The following C12orf42 variants were observed in gnomAD, a reference collection of about 807,000 sequenced individuals.
C12orf42 encodes chromosome 12 open reading frame 42, also known as uncharacterized protein C12orf42.
A neutral mutation model predicts 21.6 loss-of-function variants in C12orf42; 25 were observed. The observed-to-expected ratio is 1.16, with a 90% CI of 0.84 to 1.62. C12orf42 has a LOEUF of 1.62. Ranked by LOEUF, C12orf42 falls within the 40% of genes most tolerant of loss-of-function variation. C12orf42 has a pLI of 0.00. For missense variants in C12orf42, 483 were observed against 459.3 expected (o/e 1.05, Z -0.47); for synonymous variants, 174 against 175.0 (o/e 0.99, Z 0.05).
chr12:103,101,003 A>C, the C12orf42 span, among the ~76,000 whole-genome samples: 8 of 152,052 alleles, frequency 5.3e-5, no homozygotes, highest in African/African-American at 2.4e-5. Context: ...TTGATTTAAA[A>C]CCAGGTTCGA....
the C12orf42 span, chr12:103,155,249 T>A: frequency 1.3e-5 from 2 of 152,176 alleles, no homozygotes; most frequent in African/African-American, 4.8e-5. Flanking sequence ...CAGCTCTGAG[T>A]GGGGAACCAC....
intron 3 of C12orf42, among the ~76,000 whole-genome samples, chr12:103,375,073 T>C (rs960252497): frequency 1.3e-5 from 2 of 152,224 alleles, no homozygotes; most frequent in Non-Finnish European, 2.9e-5. Context: ...AGTAATGAGC[T>C]GAAGTGACTC....
chr12:103,147,620 TCTC>T, the C12orf42 span, among the ~76,000 whole-genome samples: 1 of 104,944 alleles, frequency 9.5e-6, no homozygotes, highest in African/African-American at 4.4e-5. Context: ...TTCTTCTCTC[TCTC>T]TTTTTTTTTT....
chr12:103,088,855 G>A, the C12orf42 span, among the ~76,000 whole-genome samples: 10 of 152,152 alleles, frequency 6.6e-5, no homozygotes, highest in Non-Finnish European at 1.5e-4. Flanking sequence ...AGTAATCCCA[G>A]CACTTTGGGA....
At chr12:103,305,433 T>C (rs1426733559) in intron 5 of C12orf42, among the ~76,000 whole-genome samples, 1 of 152,188 alleles carries the variant, frequency 6.6e-6, no homozygotes, top group African/African-American at 2.4e-5. Context: ...ATGAAAAAAC[T>C]GGGCTGCAAA....
chr12:103,555,011 C>T, the C12orf42 span, among the ~76,000 whole-genome samples: 1 of 152,152 alleles, frequency 6.6e-6, no homozygotes, highest in Non-Finnish European at 1.5e-5. Context: ...AGCCCCCTGT[C>T]ATGGTAGGCT....
chr12:103,318,892 AGC>A (rs1200961761), intron 4 of C12orf42, among the ~76,000 whole-genome samples: 2 of 152,238 alleles, frequency 1.3e-5, no homozygotes, highest in Non-Finnish European at 1.5e-5. Context: ...ACTCTGGTGA[AGC>A]AGTATTTTGC....
At chr12:103,066,138 C>A in the C12orf42 span, among the ~76,000 whole-genome samples, 1 of 152,160 alleles carries the variant, frequency 6.6e-6, no homozygotes, top group African/African-American at 2.4e-5. Flanking sequence ...TGAGAGACAG[C>A]TCTTGGCCAA....
intron 2 of C12orf42, among the ~76,000 whole-genome samples, chr12:103,421,352 T>C (rs897491181): frequency 2.0e-5 from 3 of 152,074 alleles, no homozygotes; most frequent in African/African-American, 7.2e-5. Context: ...GGAGAATCCC[T>C]TGAGCCCAGG....
intron 2 of C12orf42, among the ~76,000 whole-genome samples, chr12:103,464,823 A>G (rs1318424748): frequency 6.6e-6 from 1 of 152,150 alleles, no homozygotes; most frequent in Admixed American, 6.5e-5. Flanking sequence ...TAAATAGGGA[A>G]TCCTTTCCCT....
rs375723058 is a variant in C12orf42, at chr12:103,302,564, A to C, written c.632-5T>G. On this transcript the variant is annotated splice_region_variant and splice_polypyrimidine_tract_variant and intron_variant, in intron 5 of 5. Transcript: ENST00000548883. ...TGGAAGGTCTGGCGGCAGAACCTGG[A>C]AGGCAAAGCAGGAAAGCAGGACAGA... 6.2e-6 allele frequency: 10 copies of C among 1,600,468 alleles called. No individual in the cohort carries two copies. The highest frequency in any genetic ancestry group is 3.4e-5 in the Admixed American group (2 of 59,288).
intron 1 of C12orf42, among the ~76,000 whole-genome samples, chr12:103,491,959 T>TTTTTTG (rs1555216419): frequency 6.6e-6 from 1 of 151,504 alleles, no homozygotes; most frequent in Non-Finnish European, 1.5e-5. Context: ...TTTGTTTTTT[T>TTTTTTG]TTTGTTTGTT....
At chr12:103,070,541 C>T in the C12orf42 span, among the ~76,000 whole-genome samples, 5 of 103,932 alleles carry the variant, frequency 4.8e-5, no homozygotes, top group Non-Finnish European at 9.1e-5. Flanking sequence ...CACACACACA[C>T]ACCCGACACA....
intron 3 of C12orf42, among the ~76,000 whole-genome samples, chr12:103,394,490 A>G (rs1366339351): frequency 1.3e-5 from 2 of 152,244 alleles, no homozygotes; most frequent in Admixed American, 1.3e-4. Flanking sequence ...CCAAGGTTAC[A>G]AACCTGTTTA....
the C12orf42 span, among the ~76,000 whole-genome samples, chr12:103,125,700 AC>A: frequency 2.6e-5 from 4 of 152,104 alleles, no homozygotes; most frequent in Non-Finnish European, 2.9e-5. Context: ...ATTGATGAGG[AC>A]CCCGGGTCAG....
chr12:103,454,858 C>T (rs531171667), intron 2 of C12orf42, among the ~76,000 whole-genome samples: 3 of 152,140 alleles, frequency 2.0e-5, no homozygotes, highest in Non-Finnish European at 4.4e-5. Context: ...TTGAACAGCA[C>T]GTGTCTCACA....
At chr12:103,072,174 T>C in the C12orf42 span, among the ~76,000 whole-genome samples, 42 of 152,320 alleles carry the variant, frequency 2.8e-4, no homozygotes, top group Middle Eastern at 0.014. Flanking sequence ...GGATGACTTT[T>C]CAAGGCTTTG....
chr12:103,265,695 T>C (rs2035130403), downstream of C12orf42, among the ~76,000 whole-genome samples: 1 of 152,022 alleles, frequency 6.6e-6, no homozygotes. Flanking sequence ...CTCACGTGGG[T>C]TGGGGGACCT....
At chr12:103,554,450 T>G in the C12orf42 span, among the ~76,000 whole-genome samples, 1 of 152,134 alleles carries the variant, frequency 6.6e-6, no homozygotes, top group Non-Finnish European at 1.5e-5. Flanking sequence ...TAAACTGCTC[T>G]CCCAGTTTGA....
Sources: allele counts gnomAD v4.1 joint callset (sites outside exome capture counted in the v4.1 genomes callset), GRCh38; gene constraint gnomAD v4.1.1; transcripts MANE v1.5; gene names NCBI Gene and HGNC (gene_info 2026-07-23, HGNC 2026-07-21).